The following MCF2L variants were observed in gnomAD, a reference collection of about 807,000 sequenced individuals.
MCF2L encodes guanine nucleotide exchange factor DBS.
Under a neutral mutation model 153.4 loss-of-function variants are expected in MCF2L, and 97 were observed. That is an observed-to-expected ratio of 0.63 (90% confidence interval 0.54 to 0.75). The LOEUF is 0.75. MCF2L is among the 30% of genes least tolerant of loss of function. MCF2L has a pLI of 0.00. For synonymous variants in MCF2L, 659 were observed against 632.2 expected (o/e 1.04, Z -0.64); for missense variants, 1,347 against 1,495.2 (o/e 0.90, Z 1.64).
At chr13:113,029,384 C>G (rs2085504882) in intron 3 of MCF2L, among the ~76,000 whole-genome samples, 1 of 152,226 alleles carries the variant, frequency 6.6e-6, no homozygotes, top group Admixed American at 6.5e-5. Flanking sequence ...GGGAAATCTT[C>G]TTCCTAAGGG....
chr13:113,063,528 C>G (rs1411060415), intron 5 of MCF2L, among the ~76,000 whole-genome samples: 1 of 152,146 alleles, frequency 6.6e-6, no homozygotes, highest in Non-Finnish European at 1.5e-5. Flanking sequence ...CCCCTGTCCA[C>G]ACAGCCACCC....
chr13:113,063,826 C>CA (rs753922792), intron 5 of MCF2L: 1 of 418,176 alleles, frequency 2.4e-6, no homozygotes, highest in Non-Finnish European at 4.7e-6. Flanking sequence ...CTGCATCCTT[C>CA]ACATCATCCA....
At chr13:113,095,505 G>A in intron 27 of MCF2L, 1 of 1,059,148 alleles carries the variant, frequency 9.4e-7, no homozygotes, top group Non-Finnish European at 1.1e-6. Context: ...ATTCTTTGTG[G>A]GGTGTGGGGA....
chr13:112,921,357 C>T (rs553346277), intron 2 of MCF2L, among the ~76,000 whole-genome samples: 6 of 152,302 alleles, frequency 3.9e-5, no homozygotes, highest in African/African-American at 1.2e-4. Context: ...AGGATAAAGA[C>T]GCCTCCATTG....
At chr13:112,937,476 C>T (rs2081526704) in intron 2 of MCF2L, among the ~76,000 whole-genome samples, 1 of 152,286 alleles carries the variant, frequency 6.6e-6, no homozygotes, top group Admixed American at 6.5e-5. Context: ...AACAAAAGTT[C>T]TTTGAAAAGG....
At chr13:112,950,060 A>T (rs559895952) in intron 2 of MCF2L, among the ~76,000 whole-genome samples, 22 of 152,154 alleles carry the variant, frequency 1.4e-4, no homozygotes, top group Non-Finnish European at 2.6e-4. Flanking sequence ...AAGATACAAG[A>T]TAAACATAGA....
chr13:113,082,960 G>A (rs1312761248), intron 17 of MCF2L, among the ~76,000 whole-genome samples: 4 of 152,186 alleles, frequency 2.6e-5, no homozygotes, highest in Admixed American at 1.3e-4. Context: ...AGCAAGGCCT[G>A]TTTTGTTCCC....
rs1030885776 is a variant in MCF2L at position 113,099,559 on chromosome 13, G to C, written c.*2700G>C. On this transcript the variant is annotated 3_prime_UTR_variant, in exon 30 of 30. Coordinates refer to ENST00000535094, the MANE Select transcript of MCF2L (RefSeq NM_001112732.3). ...TTAACCATTTAAGCCAAAAAAATAA[G>C]ACTAGCGTAACCCAAAGAAAGTATT... The C allele has an allele frequency of 1.3e-5, 2 of 152,058 alleles. No individual in the cohort carries two copies. The highest frequency in any genetic ancestry group is 2.9e-5 in the Non-Finnish European group (2 of 68,026). The allele number at this position is 152,058 out of a possible 1,614,324, so 9.4% of individuals were successfully genotyped here.
At chr13:113,060,830 C>A in intron 5 of MCF2L, 118 bp downstream of exon 5, 1 of 1,373,910 alleles carries the variant, frequency 7.3e-7, no homozygotes, top group Non-Finnish European at 9.9e-7. Context: ...GTCAACAAAA[C>A]CCCGCAGGAC....
intron 2 of MCF2L, chr13:112,917,016 C>A: frequency 2.1e-6 from 1 of 465,756 alleles, no homozygotes; most frequent in Non-Finnish European, 4.5e-6. Context: ...GTCATCCTCC[C>A]TCATCGCCAA....
chr13:113,006,780 A>G (rs527725856), intron 1 of MCF2L, among the ~76,000 whole-genome samples: 34 of 152,318 alleles, frequency 2.2e-4, no homozygotes, highest in African/African-American at 7.7e-4. Flanking sequence ...CAGTCACTTG[A>G]GAACGCCCCG....
chr13:112,913,528 A>G (rs1055805510), intron 2 of MCF2L, among the ~76,000 whole-genome samples: 21 of 152,242 alleles, frequency 1.4e-4, no homozygotes, highest in African/African-American at 4.8e-4. Flanking sequence ...GAATGAGTTT[A>G]CTCAATAATT....
At chr13:112,924,458 CA>C (rs1410278217) in intron 2 of MCF2L, among the ~76,000 whole-genome samples, 11 of 151,996 alleles carry the variant, frequency 7.2e-5, no homozygotes, top group South Asian at 2.1e-4. Flanking sequence ...TAGGTAGGAA[CA>C]AAAACCAAGG....
intron 2 of MCF2L, among the ~76,000 whole-genome samples, chr13:113,018,039 T>C (rs1218461934): frequency 6.6e-6 from 1 of 152,200 alleles, no homozygotes; most frequent in East Asian, 1.9e-4. Flanking sequence ...CACTGTGACA[T>C]GTGCGGTCCC....
At chr13:113,081,415 G>C in intron 16 of MCF2L, 136 bp downstream of exon 16, 1 of 877,874 alleles carries the variant, frequency 1.1e-6, no homozygotes, top group Non-Finnish European at 1.7e-6. Flanking sequence ...ACAGCAGCCT[G>C]GTCGGGCCCC....
At chr13:113,043,584 G>T (rs1594803426) in intron 3 of MCF2L, 1 of 152,344 alleles carries the variant, frequency 6.6e-6, no homozygotes, top group Non-Finnish European at 1.5e-5. Context: ...TCCCAAGGGA[G>T]CACACAGGTC....
At chr13:113,081,066 G>A (rs1178525350) in intron 15 of MCF2L, 147 bp from the exon 16 acceptor site, 7 of 605,232 alleles carry the variant, frequency 1.2e-5, no homozygotes, top group East Asian at 3.2e-5. Context: ...ACCCCGAGGA[G>A]CGTCCAGCCT....
chr13:112,896,864 T>A (rs2081072966), intron 1 of MCF2L, among the ~76,000 whole-genome samples: 1 of 152,224 alleles, frequency 6.6e-6, no homozygotes. Context: ...GCCTCACAGA[T>A]GGAACAGGGC....
intron 27 of MCF2L, chr13:113,096,027 C>A: frequency 2.4e-6 from 1 of 421,716 alleles, no homozygotes; most frequent in South Asian, 2.4e-5. Flanking sequence ...AAGGCCTCAG[C>A]AAAGCAGCAT....
Sources: gnomAD v4.1 joint callset for allele counts (sites outside exome capture counted in the v4.1 genomes callset) on GRCh38, gnomAD v4.1.1 for gene constraint, MANE v1.5 for transcripts, NCBI Gene and HGNC (gene_info 2026-07-23, HGNC 2026-07-21) for gene names.